Variants in QKI observed in about 807,000 individuals in gnomAD.
QKI encodes the protein QKI, KH domain containing RNA binding.
A neutral mutation model predicts 39.0 loss-of-function variants in QKI; 10 were observed. That is an observed-to-expected ratio of 0.26 (90% CI 0.16 to 0.43). The LOEUF is 0.43. QKI is among the 20% of genes least tolerant of loss of function. The pLI is 1.00. For missense variants in QKI, 218 were observed against 428.0 expected, an observed-to-expected ratio of 0.51 and a Z score of 4.33; for synonymous variants, 204 against 155.4, an observed-to-expected ratio of 1.31 and a Z score of -2.33.
intron 3 of QKI, among the ~76,000 whole-genome samples, chr6:163,525,381 G>A (rs990099724): frequency 2.1e-5 from 3 of 144,650 alleles, no homozygotes; most frequent in African/African-American, 7.8e-5. Context: ...CTTTCTTGAC[G>A]GAGTCTTGTT....
chr6:163,502,436 C>T (rs1378458000), intron 3 of QKI, among the ~76,000 whole-genome samples: 1 of 152,034 alleles, frequency 6.6e-6, no homozygotes, highest in African/African-American at 2.4e-5. Flanking sequence ...TATATGTTAA[C>T]CCATTTGAAC....
intron 3 of QKI, among the ~76,000 whole-genome samples, chr6:163,503,538 G>A (rs1778912333): frequency 6.6e-6 from 1 of 151,920 alleles, no homozygotes; most frequent in Non-Finnish European, 1.5e-5. Context: ...TGTCCTGATA[G>A]TTTCTTTTGC....
intron 2 of QKI, among the ~76,000 whole-genome samples, chr6:163,474,052 G>GTT (rs1453783173): frequency 6.6e-6 from 1 of 152,186 alleles, no homozygotes; most frequent in African/African-American, 2.4e-5. Context: ...AACATTTGCA[G>GTT]TTGAAATCCA....
chr6:163,439,962 A>G (rs1265564058), intron 1 of QKI, among the ~76,000 whole-genome samples: 1 of 152,164 alleles, frequency 6.6e-6, no homozygotes, highest in East Asian at 1.9e-4. Flanking sequence ...GAATAATCTT[A>G]GAAGTCCTCA....
intron 1 of QKI, among the ~76,000 whole-genome samples, chr6:163,428,570 A>C (rs1203323484): frequency 6.6e-6 from 1 of 152,214 alleles, no homozygotes; most frequent in Non-Finnish European, 1.5e-5. Flanking sequence ...CTTTTATTAT[A>C]GTTTATAGCA....
chr6:163,420,492 C>G (rs1347054447), intron 1 of QKI, among the ~76,000 whole-genome samples: 1 of 151,996 alleles, frequency 6.6e-6, no homozygotes, highest in African/African-American at 2.4e-5. Context: ...ATCCAAGGTT[C>G]TATTTTAAGG....
At chr6:163,541,729 CTATTT>C (rs919422084) in intron 4 of QKI, among the ~76,000 whole-genome samples, 1 of 151,894 alleles carries the variant, frequency 6.6e-6, no homozygotes, top group African/African-American at 2.4e-5. Context: ...AAGTTTTACT[CTATTT>C]CATTTCATAT....
chr6:163,569,699 T>C (rs1177670180), intron 7 of QKI: 2 of 996,996 alleles, frequency 2.0e-6, no homozygotes, highest in Non-Finnish European at 2.4e-6. Context: ...GAAAATAGTA[T>C]TTACAGGTGG....
intron 4 of QKI, among the ~76,000 whole-genome samples, chr6:163,550,735 A>T (rs768109686): frequency 8.5e-5 from 13 of 152,144 alleles, no homozygotes; most frequent in Non-Finnish European, 1.9e-4. Flanking sequence ...TCACCTGGTC[A>T]GGAGATCGAG....
chr6:163,556,762 T>C (rs1782653220), intron 4 of QKI, among the ~76,000 whole-genome samples: 1 of 152,138 alleles, frequency 6.6e-6, no homozygotes, highest in Non-Finnish European at 1.5e-5. Flanking sequence ...GAATCTGTGG[T>C]GTATTATCTT....
At chr6:163,481,210 G>C (rs1469122173) in intron 3 of QKI, among the ~76,000 whole-genome samples, 3 of 152,108 alleles carry the variant, frequency 2.0e-5, no homozygotes, top group Non-Finnish European at 4.4e-5. Flanking sequence ...CTTTTCTACA[G>C]AGTTGTCCAT....
At chr6:163,434,800 A>G (rs899245035) in intron 1 of QKI, among the ~76,000 whole-genome samples, 4 of 152,104 alleles carry the variant, frequency 2.6e-5, no homozygotes, top group African/African-American at 9.6e-5. Flanking sequence ...ATTTTCCTAA[A>G]TATGTCATAG....
intron 2 of QKI, among the ~76,000 whole-genome samples, chr6:163,468,734 TG>T (rs1294313284): frequency 1.3e-5 from 2 of 152,332 alleles, no homozygotes; most frequent in African/African-American, 4.8e-5. Flanking sequence ...CCTTTAAAGT[TG>T]CACTTAGCTC....
At chr6:163,516,541 C>T (rs948411821) in intron 3 of QKI, among the ~76,000 whole-genome samples, 4 of 152,168 alleles carry the variant, frequency 2.6e-5, no homozygotes, top group African/African-American at 9.6e-5. Flanking sequence ...GATCCACCCG[C>T]CTTGGCCTCC....
rs972164923 is a variant in QKI, at chr6:163,535,134, T to C, written c.546+9T>C. On this transcript the variant is annotated intron_variant, in intron 4 of 7. Transcript: ENST00000361752. ...AATTATTGGTACCTGCAGTAAGTAA[T>C]AATTTCCAGACCTTAGATTTGGGCC... 3 of 1,576,072 alleles carry C rather than the reference T, an allele frequency of 1.9e-6. No homozygotes were observed. Among genetic ancestry groups the C allele is most frequent in the Non-Finnish European group, 2.6e-6 (3 of 1,164,236 alleles).
At position 163,414,968 on chromosome 6, in the gene QKI, C is replaced by G; in HGVS notation, c.-226C>G. 4.8e-6 allele frequency: 1 copy of G among 209,162 alleles called. No individual in the cohort carries two copies. Among genetic ancestry groups the G allele is most frequent in the Non-Finnish European group, 8.1e-6 (1 of 123,404 alleles). The allele number at this position is 209,162 out of a possible 1,614,324, so 13.0% of individuals were successfully genotyped here. Reference sequence around the variant, plus strand: ...CGCCGAGCCGGGCGGCCGAGAGCGGCGGCGGCTGGGAGCGCGTCGGGCCCG... The same window carrying G: ...CGCCGAGCCGGGCGGCCGAGAGCGGGGGCGGCTGGGAGCGCGTCGGGCCCG... On this transcript the variant is annotated 5_prime_UTR_variant, in exon 1 of 8. Coordinates refer to ENST00000361752, the MANE Select transcript of QKI (RefSeq NM_006775.3).
chr6:163,547,479 A>G (rs1781956805), intron 4 of QKI, among the ~76,000 whole-genome samples: 1 of 152,216 alleles, frequency 6.6e-6, no homozygotes, highest in African/African-American at 2.4e-5. Flanking sequence ...TTACCACTGC[A>G]GTGCTGATTG....
chr6:163,546,326 G>A (rs942759069), intron 4 of QKI, among the ~76,000 whole-genome samples: 1 of 151,786 alleles, frequency 6.6e-6, no homozygotes, highest in Non-Finnish European at 1.5e-5. Flanking sequence ...TATAGGCAAA[G>A]TATTTGTAAT....
chr6:163,541,139 C>T (rs1054037563), intron 4 of QKI, among the ~76,000 whole-genome samples: 3 of 152,012 alleles, frequency 2.0e-5, no homozygotes, highest in African/African-American at 7.2e-5. Flanking sequence ...AATGTTTTAG[C>T]TGTATCCAAC....
Sources: gnomAD v4.1 joint callset for allele counts (sites outside exome capture counted in the v4.1 genomes callset) on GRCh38, gnomAD v4.1.1 for gene constraint, MANE v1.5 for transcripts, NCBI Gene and HGNC (gene_info 2026-07-23, HGNC 2026-07-21) for gene names.